The following RIT2 variants were observed in gnomAD, a reference collection of about 807,000 sequenced individuals.
RIT2 encodes the protein Ras like without CAAX 2, also known as GTP-binding protein Rit2.
Under a neutral mutation model 23.7 loss-of-function variants are expected in RIT2, and 24 were observed. The ratio of observed to expected loss-of-function variants is 1.01; its 90% CI spans 0.73 to 1.43. The LOEUF is 1.43. Among genes scored for constraint, RIT2 ranks in the 40% most tolerant of loss-of-function variants. The pLI is 0.00. For synonymous variants in RIT2, 107 were observed against 91.1 expected (o/e 1.17, Z -0.99); for missense variants, 236 against 266.9 (o/e 0.88, Z 0.81).
chr18:43,107,425 G>A (rs867776540), intron 1 of RIT2, among the ~76,000 whole-genome samples: 37 of 152,128 alleles, frequency 2.4e-4, no homozygotes, highest in African/African-American at 7.5e-4. Context: ...GCGTGCACGC[G>A]TGCGTGCACG....
At chr18:42,966,758 T>G (rs1186995417) in intron 3 of RIT2, among the ~76,000 whole-genome samples, 1 of 152,142 alleles carries the variant, frequency 6.6e-6, no homozygotes, top group African/African-American at 2.4e-5. Flanking sequence ...GAACAATCAA[T>G]TGGGGCATTA....
intron 1 of RIT2, among the ~76,000 whole-genome samples, chr18:43,066,039 A>G (rs1280006086): frequency 1.3e-5 from 2 of 152,296 alleles, no homozygotes; most frequent in East Asian, 1.9e-4. Context: ...CAAATTTGAG[A>G]CTTCATGGAT....
At chr18:43,045,056 T>C (rs1912214596) in intron 1 of RIT2, among the ~76,000 whole-genome samples, 1 of 152,158 alleles carries the variant, frequency 6.6e-6, no homozygotes, top group Non-Finnish European at 1.5e-5. Context: ...AAATAGACAT[T>C]TTCACTAATA....
chr18:42,888,928 T>C (rs1374152411), intron 4 of RIT2, among the ~76,000 whole-genome samples: 3 of 151,492 alleles, frequency 2.0e-5, no homozygotes, highest in Admixed American at 6.6e-5. Flanking sequence ...AGGAGGAGAG[T>C]AGCTTAGAAA....
chr18:43,029,036 G>A lies in RIT2; in HGVS notation c.160+4775C>T, dbSNP rs545941317. 8.5e-5 allele frequency among the ~76,000 whole-genome samples: 13 copies of A among 152,194 alleles called. No homozygotes were observed. In the South Asian group the frequency reaches 2.5e-3, roughly 29 times the overall value. ...GCCATTGAGCACGAGGCTATCTGCA[G>A]ATGACCTGTCTATATTGTTGATGTA... On this transcript the variant is annotated intron_variant, in intron 2 of 4. Coordinates refer to ENST00000326695, the MANE Select transcript of RIT2 (RefSeq NM_002930.4).
intron 4 of RIT2, among the ~76,000 whole-genome samples, chr18:42,775,884 G>A (rs140597918): frequency 9.5e-5 from 11 of 115,654 alleles, no homozygotes; most frequent in Non-Finnish European, 2.4e-4. Context: ...CACACACAGA[G>A]ATGTAAATAC....
chr18:42,924,848 G>A (rs1302043398), intron 3 of RIT2, among the ~76,000 whole-genome samples: 1 of 152,036 alleles, frequency 6.6e-6, no homozygotes. Flanking sequence ...TGAAAGATGG[G>A]AGCATTTATG....
At chr18:42,990,922 T>TTTG (rs949085607) in intron 2 of RIT2, among the ~76,000 whole-genome samples, 1 of 150,758 alleles carries the variant, frequency 6.6e-6, no homozygotes, top group Admixed American at 6.6e-5. Context: ...GTTTTTTTTT[T>TTTG]TTTTTTTTTA....
At chr18:42,803,102 A>G (rs1905587417) in intron 4 of RIT2, among the ~76,000 whole-genome samples, 3 of 152,324 alleles carry the variant, frequency 2.0e-5, no homozygotes, top group Middle Eastern at 3.4e-3. Flanking sequence ...AATATTCATT[A>G]ACAACCACCA....
At chr18:42,996,691 A>C (rs1910992252) in intron 2 of RIT2, among the ~76,000 whole-genome samples, 1 of 150,448 alleles carries the variant, frequency 6.6e-6, no homozygotes, top group Admixed American at 6.6e-5. Flanking sequence ...AAACGGCCTC[A>C]CCCCTATCTC....
intron 1 of RIT2, among the ~76,000 whole-genome samples, chr18:43,099,937 T>C (rs1338917357): frequency 1.3e-5 from 2 of 152,166 alleles, no homozygotes; most frequent in Non-Finnish European, 2.9e-5. Flanking sequence ...AAGGCTGGTA[T>C]TATTTTCCAT....
At chr18:43,102,790 A>G (rs1355553117) in intron 1 of RIT2, among the ~76,000 whole-genome samples, 1 of 151,818 alleles carries the variant, frequency 6.6e-6, no homozygotes, top group Non-Finnish European at 1.5e-5. Context: ...AGTAGCTGGG[A>G]CTACAGGAGT....
intron 4 of RIT2, among the ~76,000 whole-genome samples, chr18:42,923,184 T>G (rs1909094816): frequency 1.3e-5 from 2 of 152,176 alleles, no homozygotes; most frequent in African/African-American, 4.8e-5. Context: ...AATCTCATTT[T>G]GTCCACATGA....
chr18:42,958,903 A>G lies in RIT2; in HGVS notation c.234+15171T>C, dbSNP rs118111459. Among the ~76,000 whole-genome samples, 1,239 of 152,266 alleles carry G rather than the reference A, an allele frequency of 8.1e-3. 12 individuals are homozygous for G. Among genetic ancestry groups the G allele is most frequent in the South Asian group, 0.027 (131 of 4,828 alleles). ...GACAACCCCACTTTTATTACTCTCC[A>G]TCAATGACATCTCATTACATATGTC... is the stretch of plus-strand genomic sequence containing the variant. On this transcript the variant is annotated intron_variant, in intron 3 of 4. Coordinates refer to ENST00000326695, the MANE Select transcript of RIT2 (RefSeq NM_002930.4).
intron 1 of RIT2, among the ~76,000 whole-genome samples, chr18:43,056,885 C>T (rs928136956): frequency 6.6e-6 from 1 of 152,070 alleles, no homozygotes; most frequent in Non-Finnish European, 1.5e-5. Context: ...AGCAAACTGC[C>T]TGCTTCCTTA....
chr18:43,111,145 C>A (rs1913942980), intron 1 of RIT2, among the ~76,000 whole-genome samples: 1 of 152,086 alleles, frequency 6.6e-6, no homozygotes, highest in Non-Finnish European at 1.5e-5. Flanking sequence ...CAGTCATTTG[C>A]AACAGCATGC....
At chr18:42,944,550 G>T (rs1321520405) in intron 3 of RIT2, among the ~76,000 whole-genome samples, 1 of 152,084 alleles carries the variant, frequency 6.6e-6, no homozygotes, top group African/African-American at 2.4e-5. Flanking sequence ...TCTCAATGAG[G>T]TAGGCTCTAT....
intron 4 of RIT2, among the ~76,000 whole-genome samples, chr18:42,867,082 C>G (rs1250240307): frequency 1.3e-5 from 2 of 152,156 alleles, no homozygotes; most frequent in African/African-American, 4.8e-5. Context: ...TAAGACTGCT[C>G]TTTACCTTAA....
At chr18:42,990,007 ATATG>A (rs1346843627) in intron 2 of RIT2, among the ~76,000 whole-genome samples, 2 of 70,306 alleles carry the variant, frequency 2.8e-5, no homozygotes, top group South Asian at 6.3e-4. Flanking sequence ...GTATTTACAG[ATATG>A]TGTGTGTGTG....
Sources: gnomAD v4.1 joint callset for allele counts (sites outside exome capture counted in the v4.1 genomes callset) on GRCh38, gnomAD v4.1.1 for gene constraint, MANE v1.5 for transcripts, NCBI Gene and HGNC (gene_info 2026-07-23, HGNC 2026-07-21) for gene names.